ZBTB8A: variants seen among roughly 807,000 people sequenced by gnomAD.
ZBTB8A encodes the protein zinc finger and BTB domain containing 8A.
A neutral mutation model predicts 37.8 loss-of-function variants in ZBTB8A; 19 were observed. The ratio of observed to expected loss-of-function variants is 0.50; its 90% CI spans 0.35 to 0.74. ZBTB8A has a LOEUF of 0.74. Among genes scored for constraint, ZBTB8A ranks in the 30% least tolerant of loss-of-function variants. ZBTB8A has a pLI of 0.01. For synonymous variants in ZBTB8A, 181 were observed against 185.2 expected (o/e 0.98, Z 0.19); for missense variants, 394 against 537.8 (o/e 0.73, Z 2.65).
rs1644567509 is a variant in ZBTB8A at position 32,600,479 on chromosome 1, T to A, written c.*60T>A. Reference sequence around the variant, plus strand: ...AATTTACATTGACTTCCTGTATCTCTCTCTTTCTATGGTCGGAGTCTAGTT... The same window carrying A: ...AATTTACATTGACTTCCTGTATCTCACTCTTTCTATGGTCGGAGTCTAGTT... On this transcript the variant is annotated 3_prime_UTR_variant, in exon 5 of 5. Coordinates refer to ENST00000373510, the MANE Select transcript of ZBTB8A (RefSeq NM_001040441.3). 1 of 1,267,214 alleles carries A rather than the reference T, an allele frequency of 7.9e-7. No individual in the cohort carries two copies. Among genetic ancestry groups the A allele is most frequent in the Non-Finnish European group, 1.1e-6 (1 of 906,792 alleles). 78.5% of individuals were successfully genotyped at this position (1,267,214 alleles called of 1,614,324 possible).
intron 1 of ZBTB8A, among the ~76,000 whole-genome samples, chr1:32,546,450 A>T (rs1015322263): frequency 5.3e-5 from 8 of 149,994 alleles, no homozygotes; most frequent in African/African-American, 2.0e-4. Flanking sequence ...TCTCAAAAAA[A>T]AAAATAAATA....
intron 4 of ZBTB8A, among the ~76,000 whole-genome samples, chr1:32,596,228 G>A (rs905701978): frequency 2.0e-5 from 3 of 152,078 alleles, no homozygotes; most frequent in Admixed American, 1.3e-4. Flanking sequence ...AAATTAGCCA[G>A]GCGTGGTGGC....
rs746287387 is a variant in ZBTB8A, at chr1:32,600,583, C to T, written c.*164C>T. On this transcript the variant is annotated 3_prime_UTR_variant, in exon 5 of 5. Transcript: ENST00000373510. ...TTCTGAACAGGCCATTGTATCCATT[C>T]TGAACTTTGTTGCCCTAAAATGTGT... 33 of 615,510 alleles carry T rather than the reference C, an allele frequency of 5.4e-5. No individual in the cohort carries two copies. Among genetic ancestry groups the T allele is most frequent in the Non-Finnish European group, 7.3e-5 (26 of 357,840 alleles). The allele number at this position is 615,510 out of a possible 1,614,324, so 38.1% of individuals were successfully genotyped here.
At chr1:32,550,952 C>T (rs999397024) in intron 1 of ZBTB8A, among the ~76,000 whole-genome samples, 13 of 143,790 alleles carry the variant, frequency 9.0e-5, no homozygotes, top group Admixed American at 2.1e-4. Context: ...AGCGAGACTC[C>T]GTCTCAAAAA....
chr1:32,555,940 G>A (rs1464011211), intron 2 of ZBTB8A, among the ~76,000 whole-genome samples: 1 of 149,914 alleles, frequency 6.7e-6, no homozygotes. Context: ...TGAGACACTT[G>A]TCTGTGTGCC....
chr1:32,584,569 T>A (rs949197305), intron 2 of ZBTB8A, among the ~76,000 whole-genome samples: 1 of 149,038 alleles, frequency 6.7e-6, no homozygotes, highest in African/African-American at 2.5e-5. Context: ...TGGAGTGCAG[T>A]GGCACAAACA....
At chr1:32,563,141 G>T (rs900768449) in intron 2 of ZBTB8A, among the ~76,000 whole-genome samples, 11 of 152,090 alleles carry the variant, frequency 7.2e-5, no homozygotes, top group African/African-American at 2.4e-4. Flanking sequence ...CTTTTTCAGG[G>T]ATTATTAGTT....
chr1:32,563,992 C>T (rs1471922739), intron 2 of ZBTB8A, among the ~76,000 whole-genome samples: 1 of 152,114 alleles, frequency 6.6e-6, no homozygotes, highest in Non-Finnish European at 1.5e-5. Flanking sequence ...AAAATTGATA[C>T]TGAGATGCCA....
chr1:32,569,647 C>T (rs1644310275), intron 2 of ZBTB8A, among the ~76,000 whole-genome samples: 1 of 152,020 alleles, frequency 6.6e-6, no homozygotes, highest in Admixed American at 6.6e-5. Flanking sequence ...CCGCCTCAGC[C>T]TCCCAAAGTG....
Position 32,593,649 on chromosome 1 carries a change from G to T in ZBTB8A, c.718G>T (p.Val240Phe). The T allele has an allele frequency of 6.2e-7, 1 of 1,614,140 alleles. No homozygotes were observed. Among genetic ancestry groups the T allele is most frequent in the South Asian group, 1.1e-5 (1 of 91,086 alleles). ...ACGAACATCTGATTCTTCCAGCCATGTTTCCCAGTCTGAAGAACAAGCACA... is the reference window on the plus strand; with the variant it reads ...ACGAACATCTGATTCTTCCAGCCATTTTTCCCAGTCTGAAGAACAAGCACA... Reference protein sequence around the residue: ...EVRTSDSSSHVSQSEEQAQID... With the variant: ...EVRTSDSSSHFSQSEEQAQID... The change falls in exon 3 of 5, where the codon GTT (valine) becomes TTT (phenylalanine). Residue 240 changes from valine to phenylalanine, a missense_variant. This residue lies in a region of ZBTB8A where 171 missense variants were observed against 186.8 expected (regional missense o/e 0.92). Transcript: ENST00000373510.
At position 32,560,356 on chromosome 1, in the gene ZBTB8A, G is replaced by A. The variant is rs9661254; in HGVS notation, c.-2+6816G>A. Among the ~76,000 whole-genome samples the A allele has an allele frequency of 1.2e-3, 188 of 152,288 alleles. 1 individual carries two copies. Among genetic ancestry groups the A allele is most frequent in the Non-Finnish European group, 1.9e-3 (130 of 68,028 alleles). On this transcript the variant is annotated intron_variant, in intron 2 of 4. Coordinates refer to ENST00000373510, the MANE Select transcript of ZBTB8A (RefSeq NM_001040441.3). ...CTCCACAAAGAGTCTCCACCAGCAA[G>A]AAAGCCCTCGCCAAGTGTGGACCCT...
At chr1:32,539,665 G>A (rs902659469) in intron 1 of ZBTB8A, 93 bp downstream of exon 1, 1 of 13,890 alleles carries the variant, frequency 7.2e-5, no homozygotes, top group Non-Finnish European at 1.7e-4. Context: ...CTGACGGCCC[G>A]GGCGGCGGCA....
intron 2 of ZBTB8A, among the ~76,000 whole-genome samples, chr1:32,554,460 TTTTATTTATTTA>T (rs140709969): frequency 0.018 from 2,468 of 134,934 alleles, 45 homozygotes; most frequent in South Asian, 0.059. Flanking sequence ...CATTTTAATC[TTTTATTTATTTA>T]TTTATTTATT....
chr1:32,582,991 T>C (rs965833094), intron 2 of ZBTB8A, among the ~76,000 whole-genome samples: 6 of 152,146 alleles, frequency 3.9e-5, no homozygotes, highest in African/African-American at 1.4e-4. Flanking sequence ...TAGATAAAAC[T>C]CCTTGAGAAC....
chr1:32,546,563 C>T (rs2148212809), intron 1 of ZBTB8A, among the ~76,000 whole-genome samples: 1 of 152,198 alleles, frequency 6.6e-6, no homozygotes, highest in African/African-American at 2.4e-5. Flanking sequence ...ATCACTTGAG[C>T]CCCGGAGGCC....
intron 2 of ZBTB8A, among the ~76,000 whole-genome samples, chr1:32,586,694 C>A (rs895418168): frequency 6.6e-6 from 1 of 151,922 alleles, no homozygotes; most frequent in Admixed American, 6.6e-5. Context: ...CTTGAATGTT[C>A]AGAAACAAGC....
At chr1:32,590,512 C>T (rs1644480432) in intron 2 of ZBTB8A, among the ~76,000 whole-genome samples, 1 of 152,180 alleles carries the variant, frequency 6.6e-6, no homozygotes, top group Non-Finnish European at 1.5e-5. Context: ...GGACCTAGTC[C>T]CTTAGCCATT....
chr1:32,599,911 A>G (rs1644562842), intron 4 of ZBTB8A, among the ~76,000 whole-genome samples, 176 bp from the exon 5 acceptor site: 1 of 152,194 alleles, frequency 6.6e-6, no homozygotes, highest in Non-Finnish European at 1.5e-5. Context: ...CTGATGTTTA[A>G]TATTTCTGTG....
At chr1:32,594,347 A>T (rs1012290328) in intron 3 of ZBTB8A, among the ~76,000 whole-genome samples, 4 of 152,170 alleles carry the variant, frequency 2.6e-5, no homozygotes, top group African/African-American at 9.6e-5. Flanking sequence ...GTGGGTGGTT[A>T]GATTACTCTT....
Sources: gnomAD v4.1 joint callset for allele counts (sites outside exome capture counted in the v4.1 genomes callset) on GRCh38, gnomAD v4.1.1 for gene constraint, gnomAD v4.1.1 regional missense constraint, MANE v1.5 for transcripts, NCBI Gene and HGNC (gene_info 2026-07-23, HGNC 2026-07-21) for gene names.